ZMAT4: variants seen among roughly 807,000 people sequenced by gnomAD.
ZMAT4 encodes the protein zinc finger matrin-type 4.
In ZMAT4, 17 loss-of-function variants were observed where a neutral mutation model predicts 28.7. The observed-to-expected ratio is 0.59, with a 90% CI of 0.41 to 0.89. The LOEUF (loss-of-function observed/expected upper bound fraction) is 0.89. Among genes scored for constraint, ZMAT4 ranks in the 40% least tolerant of loss-of-function variants. The pLI is 0.00. For synonymous variants in ZMAT4, 117 were observed against 109.2 expected (o/e 1.07, Z -0.44); for missense variants, 240 against 283.8 (o/e 0.85, Z 1.11).
chr8:40,872,985 T>C (rs1817916497), intron 1 of ZMAT4, among the ~76,000 whole-genome samples: 1 of 152,044 alleles, frequency 6.6e-6, no homozygotes, highest in Non-Finnish European at 1.5e-5. Flanking sequence ...CCTCCAGGAT[T>C]CTAAATAATC....
chr8:40,624,222 C>T lies in ZMAT4; in HGVS notation c.578-42961G>A, dbSNP rs191336916. ...GAGATCGCAAGGGTAGAGCTTCAAT[C>T]GGATAGAAATGGTGGCCCTATAAGA... On this transcript the variant is annotated intron_variant, in intron 5 of 6. Coordinates refer to ENST00000297737, the MANE Select transcript of ZMAT4 (RefSeq NM_024645.3). 2.5e-4 allele frequency among the ~76,000 whole-genome samples: 38 copies of T among 152,316 alleles called. No individual in the cohort carries two copies. The East Asian group carries it at 6.4e-3, about 26-fold the overall frequency.
chr8:40,841,600 C>A (rs1816703332), intron 1 of ZMAT4, among the ~76,000 whole-genome samples: 1 of 152,192 alleles, frequency 6.6e-6, no homozygotes, highest in Non-Finnish European at 1.5e-5. Context: ...AGGTGTCGTA[C>A]ACCCCTGCAA....
chr8:40,602,816 C>T (rs769955084), intron 5 of ZMAT4, among the ~76,000 whole-genome samples: 3 of 152,070 alleles, frequency 2.0e-5, no homozygotes, highest in South Asian at 2.1e-4. Flanking sequence ...ATTAGTCCTT[C>T]GTCAGATGCA....
At chr8:40,636,163 GAGAAAATGTCTT>G (rs1806783502) in intron 5 of ZMAT4, among the ~76,000 whole-genome samples, 1 of 152,202 alleles carries the variant, frequency 6.6e-6, no homozygotes, top group African/African-American at 2.4e-5. Context: ...CAGTGGACGT[GAGAAAATGTCTT>G]AGAAATGTGA....
At chr8:40,808,690 G>C in intron 2 of ZMAT4, 1 of 319,388 alleles carries the variant, frequency 3.1e-6, no homozygotes, top group South Asian at 2.5e-5. Context: ...GAGAGGGAAA[G>C]AGCAGGCAAA....
chr8:40,837,941 C>G (rs1007364404), intron 1 of ZMAT4, among the ~76,000 whole-genome samples: 1 of 152,242 alleles, frequency 6.6e-6, no homozygotes, highest in Admixed American at 6.5e-5. Context: ...ACCCCTGGCA[C>G]ATTGGTGTTG....
Position 40,589,814 on chromosome 8 carries a change from T to C in ZMAT4, c.578-8553A>G, listed in dbSNP as rs1410010753. Among the ~76,000 whole-genome samples, 4 of 93,068 alleles carry C rather than the reference T, an allele frequency of 4.3e-5. No individual in the cohort carries two copies. In the East Asian group the frequency reaches 7.9e-4, roughly 18 times the overall value. 61.1% of individuals were successfully genotyped at this position (93,068 alleles called of 152,430 possible). ...TTTCTTTTTCTTTGTCTTTCCTTTC[T>C]TTTTTATTTCCTTCCCTTCCTTTCT... On this transcript the variant is annotated intron_variant, in intron 5 of 6. Transcript: ENST00000297737.
chr8:40,637,911 A>G (rs1218302478), intron 5 of ZMAT4, among the ~76,000 whole-genome samples: 1 of 152,216 alleles, frequency 6.6e-6, no homozygotes, highest in Non-Finnish European at 1.5e-5. Flanking sequence ...TTTCAACAAC[A>G]TGGATGAATC....
At chr8:40,709,225 ATTTTTATTGTTGTATTT>A (rs199960110) in intron 3 of ZMAT4, among the ~76,000 whole-genome samples, 6,960 of 152,008 alleles carry the variant, frequency 0.046, 300 homozygotes, top group East Asian at 0.25. Flanking sequence ...TATTTGTATT[ATTTTTATTGTTGTATTT>A]TTTTTATTGT....
intron 5 of ZMAT4, among the ~76,000 whole-genome samples, chr8:40,665,685 A>T (rs1421997833): frequency 6.6e-6 from 1 of 152,118 alleles, no homozygotes; most frequent in Non-Finnish European, 1.5e-5. Context: ...AAAATATTCA[A>T]GTCTCCCAAA....
intron 4 of ZMAT4, among the ~76,000 whole-genome samples, chr8:40,678,080 C>T (rs118106533): frequency 1.3e-5 from 2 of 152,076 alleles, no homozygotes; most frequent in South Asian, 2.1e-4. Flanking sequence ...CAAAGCATGG[C>T]CAATGTTGAG....
chr8:40,822,229 T>C (rs1386809806), intron 2 of ZMAT4, among the ~76,000 whole-genome samples: 1 of 152,198 alleles, frequency 6.6e-6, no homozygotes, highest in East Asian at 1.9e-4. Flanking sequence ...TCGATGAAGT[T>C]TATGAGCTTC....
chr8:40,596,479 A>G (rs1255733872), intron 5 of ZMAT4, among the ~76,000 whole-genome samples: 2 of 152,162 alleles, frequency 1.3e-5, no homozygotes, highest in Non-Finnish European at 2.9e-5. Context: ...TATTTTTGAA[A>G]TTTTTGATTT....
At chr8:40,730,328 C>T (rs1261681270) in intron 3 of ZMAT4, among the ~76,000 whole-genome samples, 1 of 152,132 alleles carries the variant, frequency 6.6e-6, no homozygotes, top group Non-Finnish European at 1.5e-5. Context: ...TATATGAGAA[C>T]ATGATAAAAA....
chr8:40,878,213 G>A (rs1318564483), intron 1 of ZMAT4, among the ~76,000 whole-genome samples: 1 of 152,136 alleles, frequency 6.6e-6, no homozygotes. Flanking sequence ...GGAAGTCGAG[G>A]GGTGGCCTGA....
At chr8:40,533,329 C>A (rs1802751641) in intron 6 of ZMAT4, among the ~76,000 whole-genome samples, 1 of 152,174 alleles carries the variant, frequency 6.6e-6, no homozygotes, top group African/African-American at 2.4e-5. Context: ...TTGTTGACAT[C>A]TTCTGCCGGG....
intron 5 of ZMAT4, among the ~76,000 whole-genome samples, chr8:40,643,836 A>G (rs762703667): frequency 6.6e-5 from 10 of 151,778 alleles, no homozygotes; most frequent in South Asian, 2.1e-4. Context: ...AAAAAAAACT[A>G]TGCAAAGGCT....
chr8:40,833,540 C>CAAAAAAAAAAAAAAAA lies in ZMAT4; in HGVS notation c.-4-7876_-4-7861dup, dbSNP rs57458575. On this transcript the variant is annotated intron_variant, in intron 1 of 6. Coordinates refer to ENST00000297737, the MANE Select transcript of ZMAT4 (RefSeq NM_024645.3). The stretch of plus-strand genomic sequence containing the variant: ...CCGAGATCATACCACTACACTCCAG[C>CAAAAAAAAAAAAAAAA]AAAAAAAAAAAAAAAAAAGACATGA... 8.0e-3 allele frequency among the ~76,000 whole-genome samples: 696 copies of CAAAAAAAAAAAAAAAA among 86,970 alleles called. 18 individuals carry two copies. Among genetic ancestry groups the CAAAAAAAAAAAAAAAA allele is most frequent in the Non-Finnish European group, 0.013 (530 of 42,122 alleles). 57.1% of individuals were successfully genotyped at this position (86,970 alleles called of 152,430 possible).
chr8:40,660,218 C>G (rs4736876), intron 5 of ZMAT4, among the ~76,000 whole-genome samples: 85,758 of 152,056 alleles, frequency 0.56, 25,267 homozygotes, highest in East Asian at 0.82. Flanking sequence ...TAAAAGATCT[C>G]TTTCGGTAAG....
Sources: gnomAD v4.1 joint callset for allele counts (sites outside exome capture counted in the v4.1 genomes callset) on GRCh38, gnomAD v4.1.1 for gene constraint, MANE v1.5 for transcripts, NCBI Gene and HGNC (gene_info 2026-07-23, HGNC 2026-07-21) for gene names.